RAB28: variants seen among roughly 807,000 people sequenced by gnomAD.
RAB28 encodes the protein ras-related protein Rab-28.
A neutral mutation model predicts 31.7 loss-of-function variants in RAB28; 24 were observed. The ratio of observed to expected loss-of-function variants is 0.76; its 90% confidence interval spans 0.55 to 1.06. RAB28 has a LOEUF of 1.06. Ranked by LOEUF, RAB28 falls within the 50% of genes least tolerant of loss-of-function variation. The pLI is 0.00. For missense variants in RAB28, 254 were observed against 258.5 expected, an observed-to-expected ratio of 0.98 and a Z score of 0.12; for synonymous variants, 100 against 90.4, an observed-to-expected ratio of 1.11 and a Z score of -0.60.
At chr4:13,446,598 G>C (rs1401053372) in intron 4 of RAB28, among the ~76,000 whole-genome samples, 2 of 152,168 alleles carry the variant, frequency 1.3e-5, no homozygotes, top group African/African-American at 2.4e-5. Context: ...CCTAGGCTGG[G>C]GGAGGGGGAT....
chr4:13,474,271 T>C, intron 3 of RAB28, 47 bp downstream of exon 3: 1 of 1,243,636 alleles, frequency 8.0e-7, no homozygotes, highest in South Asian at 1.2e-5. Context: ...TGTGTGCTTG[T>C]AAGTGGTATA....
chr4:13,467,184 TAAA>T (rs1018205970), intron 3 of RAB28, among the ~76,000 whole-genome samples: 10 of 151,924 alleles, frequency 6.6e-5, no homozygotes, highest in Admixed American at 6.6e-4. Context: ...GTTCTCAACA[TAAA>T]AAAGTTATAA....
chr4:13,472,494 G>A (rs1716165315), intron 3 of RAB28, among the ~76,000 whole-genome samples: 1 of 151,606 alleles, frequency 6.6e-6, no homozygotes. Flanking sequence ...ATTTTTAAGT[G>A]AAGAAAAATG....
intron 5 of RAB28, among the ~76,000 whole-genome samples, chr4:13,377,230 C>T (rs960545422): frequency 6.6e-6 from 1 of 152,092 alleles, no homozygotes; most frequent in African/African-American, 2.4e-5. Context: ...CTATAAATAG[C>T]CTTTCCACAC....
intron 6 of RAB28, chr4:13,371,865 G>A: frequency 6.5e-7 from 1 of 1,541,586 alleles, no homozygotes; most frequent in Non-Finnish European, 8.8e-7. Flanking sequence ...TAATGAAATG[G>A]CCCTAAGAGG....
intron 5 of RAB28, among the ~76,000 whole-genome samples, chr4:13,378,680 G>T (rs1371862181): frequency 6.6e-6 from 1 of 152,024 alleles, no homozygotes; most frequent in African/African-American, 2.4e-5. Flanking sequence ...AAGATAAATG[G>T]GACTAGTACA....
chr4:13,456,852 T>C (rs541584399), intron 4 of RAB28, among the ~76,000 whole-genome samples: 14 of 152,180 alleles, frequency 9.2e-5, no homozygotes, highest in Non-Finnish European at 4.4e-5. Context: ...CTCTGGATAG[T>C]TAACCATAAA....
Position 13,404,694 on chromosome 4 carries a change from T to C in RAB28, c.392-23100A>G, listed in dbSNP as rs113448195. Among the ~76,000 whole-genome samples the C allele has an allele frequency of 7.4e-3, 1,124 of 152,262 alleles. 20 individuals are homozygous for C. Among genetic ancestry groups the C allele is most frequent in the African/African-American group, 0.025 (1,039 of 41,554 alleles). Reference sequence around the variant, plus strand: ...CTCAATATATTAGCATATCAAATTATAACTTATGGATATATAAATGGCAGT... The same window carrying C: ...CTCAATATATTAGCATATCAAATTACAACTTATGGATATATAAATGGCAGT... On this transcript the variant is annotated intron_variant, in intron 4 of 6. Transcript: ENST00000330852.
rs539737925 is a variant in RAB28 at position 13,430,364 on chromosome 4, A to C, written c.391+30335T>G. Among the ~76,000 whole-genome samples the C allele has an allele frequency of 2.6e-5, 4 of 152,262 alleles. No individual in the cohort carries two copies. In the South Asian group the frequency reaches 8.3e-4, roughly 32 times the overall value. ...AAAGGAAGAAGCTGGGGTGCAAAAA[A>C]GGAAAGCAGAATGAGGATAACAGAG... On this transcript the variant is annotated intron_variant, in intron 4 of 6. Coordinates refer to ENST00000330852, the MANE Select transcript of RAB28 (RefSeq NM_001017979.3).
intron 1 of RAB28, among the ~76,000 whole-genome samples, chr4:13,481,422 A>G (rs1716599629): frequency 6.6e-6 from 1 of 152,054 alleles, no homozygotes; most frequent in African/African-American, 2.4e-5. Context: ...TTCACATTCA[A>G]TAATTTCTCA....
At chr4:13,404,754 A>C (rs1260136828) in intron 4 of RAB28, among the ~76,000 whole-genome samples, 1 of 152,126 alleles carries the variant, frequency 6.6e-6, no homozygotes, top group Non-Finnish European at 1.5e-5. Context: ...AAGGAAACAA[A>C]ATTATACCAA....
chr4:13,418,174 G>A (rs960533879), intron 4 of RAB28, among the ~76,000 whole-genome samples: 3 of 152,136 alleles, frequency 2.0e-5, no homozygotes, highest in Non-Finnish European at 4.4e-5. Flanking sequence ...TCAAATTAAT[G>A]AAATAAAGCA....
rs1308342717 is a variant in RAB28, at chr4:13,484,217, C to T, written c.-67G>A. 7.7e-7 allele frequency: 1 copy of T among 1,303,866 alleles called. No individual in the cohort carries two copies. The highest frequency in any genetic ancestry group is 2.6e-5 in the East Asian group (1 of 39,182). 80.8% of individuals were successfully genotyped at this position (1,303,866 alleles called of 1,614,324 possible). ...AAGGGAAGGATGAAGGCTCCGGGGGCGGGGGAGAGGAGGAAGGGAGGTAGT... is the reference window on the plus strand; with the variant it reads ...AAGGGAAGGATGAAGGCTCCGGGGGTGGGGGAGAGGAGGAAGGGAGGTAGT... On this transcript the variant is annotated 5_prime_UTR_variant, in exon 1 of 7. Coordinates refer to ENST00000330852, the MANE Select transcript of RAB28 (RefSeq NM_001017979.3).
At chr4:13,375,444 T>C (rs536773916) in intron 6 of RAB28, among the ~76,000 whole-genome samples, 1 of 152,260 alleles carries the variant, frequency 6.6e-6, no homozygotes, top group Admixed American at 6.5e-5. Flanking sequence ...AGACAAACAT[T>C]ATTTAGACAG....
intron 3 of RAB28, among the ~76,000 whole-genome samples, chr4:13,466,520 C>T (rs976509110): frequency 2.0e-5 from 3 of 151,704 alleles, no homozygotes; most frequent in Admixed American, 6.6e-5. Context: ...GTCAGAATGG[C>T]TATTATCAAA....
intron 4 of RAB28, among the ~76,000 whole-genome samples, chr4:13,423,148 T>C (rs976088892): frequency 2.0e-5 from 3 of 152,194 alleles, no homozygotes; most frequent in Admixed American, 1.3e-4. Flanking sequence ...CTTTTAATTG[T>C]GGACTCTAGA....
Position 13,478,253 on chromosome 4 carries a change from T to G in RAB28, c.172+1177A>C, listed in dbSNP as rs543388061. 2.0e-5 allele frequency among the ~76,000 whole-genome samples: 3 copies of G among 151,662 alleles called. No homozygotes were observed. The South Asian group carries it at 6.2e-4, about 31-fold the overall frequency. ...CAGTTTTGGATACAATAAAAGAAAA[T>G]ACAAATGAAACAAAGTACGCATATG... On this transcript the variant is annotated intron_variant, in intron 2 of 6. Coordinates refer to ENST00000330852, the MANE Select transcript of RAB28 (RefSeq NM_001017979.3).
At chr4:13,380,621 A>T (rs1213860151) in intron 5 of RAB28, among the ~76,000 whole-genome samples, 1 of 152,134 alleles carries the variant, frequency 6.6e-6, no homozygotes, top group Non-Finnish European at 1.5e-5. Flanking sequence ...AAATAAATAC[A>T]TAGATAAATC....
At chr4:13,408,051 C>T (rs191206301) in intron 4 of RAB28, among the ~76,000 whole-genome samples, 56 of 152,178 alleles carry the variant, frequency 3.7e-4, no homozygotes, top group African/African-American at 1.1e-3. Flanking sequence ...AATACTATGT[C>T]GAATAGGAGT....
Sources: allele counts gnomAD v4.1 joint callset (sites outside exome capture counted in the v4.1 genomes callset), GRCh38; gene constraint gnomAD v4.1.1; transcripts MANE v1.5; gene names NCBI Gene and HGNC (gene_info 2026-07-23, HGNC 2026-07-21).